Variants in CCDC3 observed in about 807,000 individuals in gnomAD.
CCDC3 encodes coiled-coil domain-containing protein 3.
In CCDC3, 24 loss-of-function variants were observed where a neutral mutation model predicts 21.4. The observed-to-expected ratio is 1.12, with a 90% CI of 0.81 to 1.58. The LOEUF (loss-of-function observed/expected upper bound fraction) is 1.58. Among genes scored for constraint, CCDC3 ranks in the 40% most tolerant of loss-of-function variants. CCDC3 has a pLI of 0.00. For synonymous variants in CCDC3, 186 were observed against 166.0 expected, an observed-to-expected ratio of 1.12 and a Z score of -0.93; for missense variants, 425 against 360.9, an observed-to-expected ratio of 1.18 and a Z score of -1.44.
At chr10:13,064,052 C>A (rs921460212) in intron 4 of CCDC3, among the ~76,000 whole-genome samples, 1 of 152,116 alleles carries the variant, frequency 6.6e-6, no homozygotes, top group Non-Finnish European at 1.5e-5. Context: ...CTCAGCCTCC[C>A]AAGTAGCTGG....
intron 5 of CCDC3, among the ~76,000 whole-genome samples, chr10:13,013,324 T>C (rs868800400): frequency 6.6e-6 from 1 of 152,324 alleles, no homozygotes; most frequent in East Asian, 1.9e-4. Flanking sequence ...CACAAACATT[T>C]TGTGCCAAAA....
At chr10:13,081,768 T>C (rs187366624) in intron 3 of CCDC3, among the ~76,000 whole-genome samples, 11 of 152,292 alleles carry the variant, frequency 7.2e-5, no homozygotes, top group Non-Finnish European at 1.3e-4. Context: ...GGTATCAGGA[T>C]GTAAATGCCT....
chr10:12,930,561 C>A (rs2131226723), intron 2 of CCDC3, among the ~76,000 whole-genome samples: 2 of 152,332 alleles, frequency 1.3e-5, no homozygotes, highest in Admixed American at 1.3e-4. Context: ...ACTGTGCTAG[C>A]AAATAGTGGC....
At chr10:12,903,671 G>A (rs1470699144) in intron 2 of CCDC3, among the ~76,000 whole-genome samples, 3 of 152,230 alleles carry the variant, frequency 2.0e-5, no homozygotes, top group Non-Finnish European at 4.4e-5. Context: ...TGCCTGCCCA[G>A]AGCTTTTCTC....
chr10:13,034,587 A>G (rs1836352385), intron 5 of CCDC3, among the ~76,000 whole-genome samples: 1 of 151,470 alleles, frequency 6.6e-6, no homozygotes, highest in Non-Finnish European at 1.5e-5. Flanking sequence ...AAGTCATAGC[A>G]ATAGTTAGGA....
At chr10:13,030,611 G>C (rs1019967203) in intron 5 of CCDC3, among the ~76,000 whole-genome samples, 4 of 151,962 alleles carry the variant, frequency 2.6e-5, no homozygotes, top group Non-Finnish European at 4.4e-5. Flanking sequence ...CACATGCAGA[G>C]ACACACATAG....
upstream of CCDC3, among the ~76,000 whole-genome samples, chr10:13,004,653 G>C (rs1835904847): frequency 6.8e-6 from 1 of 147,866 alleles, no homozygotes; most frequent in African/African-American, 2.5e-5. Flanking sequence ...GGCCACATTA[G>C]GGGATCCATG....
At chr10:13,073,463 A>C (rs1836911159) in intron 4 of CCDC3, among the ~76,000 whole-genome samples, 3 of 152,192 alleles carry the variant, frequency 2.0e-5, no homozygotes, top group Non-Finnish European at 2.9e-5. Flanking sequence ...CAACTGGAGC[A>C]GGAGTAACCA....
intron 5 of CCDC3, among the ~76,000 whole-genome samples, chr10:13,025,040 A>G (rs1220823295): frequency 1.3e-5 from 2 of 152,242 alleles, no homozygotes; most frequent in Non-Finnish European, 1.5e-5. Flanking sequence ...GCTGCATAAC[A>G]AACCATCCCC....
intron 2 of CCDC3, among the ~76,000 whole-genome samples, chr10:12,932,143 A>G (rs1834656492): frequency 6.6e-6 from 1 of 152,148 alleles, no homozygotes; most frequent in African/African-American, 2.4e-5. Context: ...AAATATTGTT[A>G]GATTATTCTT....
At chr10:12,927,709 C>T (rs922408871) in intron 2 of CCDC3, among the ~76,000 whole-genome samples, 11 of 152,272 alleles carry the variant, frequency 7.2e-5, no homozygotes, top group East Asian at 1.9e-4. Context: ...TCCCAAAACA[C>T]GCTAAAGGGA....
chr10:13,012,014 G>T (rs957547866), intron 5 of CCDC3, among the ~76,000 whole-genome samples: 4 of 151,354 alleles, frequency 2.6e-5, no homozygotes, highest in African/African-American at 9.7e-5. Flanking sequence ...ATTGAAACTG[G>T]ACCCCTTCCT....
At chr10:13,019,042 G>C (rs1222150648) in intron 5 of CCDC3, among the ~76,000 whole-genome samples, 1 of 151,592 alleles carries the variant, frequency 6.6e-6, no homozygotes, top group Non-Finnish European at 1.5e-5. Flanking sequence ...GACCATCCTG[G>C]CTAACACGGT....
chr10:12,927,934 G>C (rs903142154), intron 2 of CCDC3, among the ~76,000 whole-genome samples: 1 of 152,202 alleles, frequency 6.6e-6, no homozygotes, highest in Non-Finnish European at 1.5e-5. Flanking sequence ...TTGCAATGGA[G>C]AAAGGACTTC....
intron 2 of CCDC3, among the ~76,000 whole-genome samples, chr10:12,927,834 G>T (rs77223029): frequency 0.053 from 8,010 of 152,242 alleles, 235 homozygotes; most frequent in Non-Finnish European, 0.071. Context: ...CAATTCAATT[G>T]CAAGTGAAAT....
chr10:13,018,788 G>C (rs919774160), intron 5 of CCDC3, among the ~76,000 whole-genome samples: 1 of 151,598 alleles, frequency 6.6e-6, no homozygotes, highest in Non-Finnish European at 1.5e-5. Flanking sequence ...AAAAAAATCA[G>C]CTGGGCGAGG....
At chr10:12,982,924 C>A (rs1254872939) in intron 2 of CCDC3, among the ~76,000 whole-genome samples, 3 of 146,492 alleles carry the variant, frequency 2.0e-5, no homozygotes, top group Non-Finnish European at 4.5e-5. Flanking sequence ...ACCAGCCTGG[C>A]CAACATCGTG....
chr10:13,078,630 A>T (rs1427688218), intron 3 of CCDC3, among the ~76,000 whole-genome samples: 3 of 152,216 alleles, frequency 2.0e-5, no homozygotes, highest in African/African-American at 7.2e-5. Context: ...TCAATGATAG[A>T]CTGGATTAAG....
chr10:13,057,017 C>T (rs1253903570), intron 4 of CCDC3, among the ~76,000 whole-genome samples: 1 of 152,118 alleles, frequency 6.6e-6, no homozygotes, highest in Non-Finnish European at 1.5e-5. Flanking sequence ...ACAGGCCCGG[C>T]ACAGTAGCTC....
Sources: gnomAD v4.1 joint callset for allele counts (sites outside exome capture counted in the v4.1 genomes callset) on GRCh38, gnomAD v4.1.1 for gene constraint, MANE v1.5 for transcripts, NCBI Gene and HGNC (gene_info 2026-07-23, HGNC 2026-07-21) for gene names.